The following TJP1 variants were observed in gnomAD, a reference collection of about 807,000 sequenced individuals.
The protein encoded by TJP1 is tight junction protein 1.
TJP1 carries 43 observed loss-of-function variants against 194.2 expected under a neutral mutation model. The ratio of observed to expected loss-of-function variants is 0.22; its 90% CI spans 0.17 to 0.29. TJP1 has a LOEUF of 0.29. Among genes scored for constraint, TJP1 ranks in the 10% least tolerant of loss-of-function variants. TJP1 has a pLI of 1.00. For missense variants in TJP1, 1,971 were observed against 2,185.7 expected (o/e 0.90, Z 1.96); for synonymous variants, 801 against 779.0 (o/e 1.03, Z -0.47).
At chr15:29,876,722 A>T (rs1442161564) in intron 2 of TJP1, among the ~76,000 whole-genome samples, 1 of 152,178 alleles carries the variant, frequency 6.6e-6, no homozygotes, top group African/African-American at 2.4e-5. Context: ...CTACTAGTAT[A>T]CATTCAACTG....
At chr15:29,744,292 A>C (rs1477372261) in intron 8 of TJP1, among the ~76,000 whole-genome samples, 1 of 152,224 alleles carries the variant, frequency 6.6e-6, no homozygotes, top group Non-Finnish European at 1.5e-5. Flanking sequence ...GTGTATGACT[A>C]TTTGAAGGCA....
In TJP1 at chr15:29,708,970, T is replaced by C. The variant is rs2042075826; in HGVS notation, c.4439A>G (p.Asn1480Ser). 2 of 1,614,102 alleles carry C rather than the reference T, an allele frequency of 1.2e-6. No homozygotes were observed. Among genetic ancestry groups the C allele is most frequent in the African/African-American group, 2.7e-5 (2 of 74,934 alleles). ...TGGTGGTCTGAAAGTTGCTGGCTTA[T>C]TCTGAGATGGAGGTGGGTCTGGTTT... ...VSKPDPPPSQ[N>S]KPATFRPPNR... The change falls in exon 25 of 28, where the codon AAT becomes AGT. Residue 1480 changes from asparagine (N) to serine (S), a missense_variant. Around this residue, in one of 5 missense-constraint regions of TJP1, gnomAD observed 1,108 missense variants for 1,128.5 expected, o/e 0.98. Transcript: ENST00000614355.
intron 11 of TJP1, among the ~76,000 whole-genome samples, chr15:29,736,118 C>T (rs1040513167): frequency 8.6e-5 from 13 of 152,044 alleles, no homozygotes; most frequent in African/African-American, 2.4e-4. Flanking sequence ...ACAGTCAAAA[C>T]GCTGCTAAAA....
rs114926539 is a variant in TJP1, at chr15:29,870,903, T to C, written c.307-70201A>G. Among the ~76,000 whole-genome samples, 712 of 152,308 alleles carry C rather than the reference T, an allele frequency of 4.7e-3. 14 individuals carry two copies. Among genetic ancestry groups the C allele is most frequent in the African/African-American group, 0.017 (688 of 41,568 alleles). On this transcript the variant is annotated intron_variant, in intron 2 of 28. Transcript: ENST00000356107. ...AATAAAGCTAACAAGTTGATTGATA[T>C]ATTCAAAGAGAGGAAACCGAGGCCG...
chr15:29,852,314 C>T (rs938462417), intron 2 of TJP1, among the ~76,000 whole-genome samples: 2 of 152,146 alleles, frequency 1.3e-5, no homozygotes, highest in Non-Finnish European at 1.5e-5. Context: ...AAAAGACAGA[C>T]ATTTCATTGA....
At chr15:29,766,591 T>A in intron 4 of TJP1, 49 bp from the exon 5 acceptor site, 1 of 1,500,066 alleles carries the variant, frequency 6.7e-7, no homozygotes, top group Non-Finnish European at 8.9e-7. Context: ...TTCATATATG[T>A]ACGTTCAGTT....
chr15:29,880,212 G>A (rs1161625868), intron 2 of TJP1, among the ~76,000 whole-genome samples: 4 of 152,038 alleles, frequency 2.6e-5, no homozygotes, highest in Non-Finnish European at 5.9e-5. Flanking sequence ...TAAAACTGAA[G>A]CTGTAATAAC....
At chr15:29,779,391 G>A (rs192515653) in intron 2 of TJP1, among the ~76,000 whole-genome samples, 70 of 152,256 alleles carry the variant, frequency 4.6e-4, no homozygotes, top group Non-Finnish European at 3.8e-4. Flanking sequence ...ACACCTTGGA[G>A]AACCTTGGTA....
At chr15:29,930,592 A>C (rs775456594) in intron 2 of TJP1, among the ~76,000 whole-genome samples, 14 of 152,214 alleles carry the variant, frequency 9.2e-5, no homozygotes, top group Non-Finnish European at 1.8e-4. Context: ...CCTGATAAAG[A>C]CTACCTACAA....
At chr15:29,766,852 T>C (rs2046362263) in intron 4 of TJP1, among the ~76,000 whole-genome samples, 1 of 152,192 alleles carries the variant, frequency 6.6e-6, no homozygotes, top group Admixed American at 6.5e-5. Context: ...TAACAACTGT[T>C]GGTGGTTTGA....
At chr15:29,833,857 G>GTATATATATATATATA (rs71416436) in intron 2 of TJP1, among the ~76,000 whole-genome samples, 69 of 25,794 alleles carry the variant, frequency 2.7e-3, no homozygotes, top group Admixed American at 4.3e-3. Context: ...ATTTTTGTAA[G>GTATATATATATATATA]TATATATATA....
At position 29,773,166 on chromosome 15, in the gene TJP1, G is replaced by A. The variant is rs971132056; in HGVS notation, c.209+67C>T. On this transcript the variant is annotated intron_variant, in intron 3 of 27. Coordinates refer to ENST00000614355, the MANE Select transcript of TJP1 (RefSeq NM_001330239.4). ...AAAATCACTAAGACAGTGTAAGACA[G>A]TACGCCAGTGCCTGAGGAGAGGAAC... The A allele has an allele frequency of 1.2e-5, 19 of 1,585,858 alleles. No individual in the cohort carries two copies. In the Admixed American group the frequency reaches 2.0e-4, roughly 17 times the overall value.
chr15:29,813,576 T>C (rs1035692984), intron 1 of TJP1, among the ~76,000 whole-genome samples: 10 of 152,280 alleles, frequency 6.6e-5, no homozygotes, highest in Non-Finnish European at 1.3e-4. Context: ...CACTAGAAGA[T>C]TCTGTATGCG....
At chr15:29,861,544 G>A (rs1156420056) in intron 2 of TJP1, among the ~76,000 whole-genome samples, 2 of 152,172 alleles carry the variant, frequency 1.3e-5, no homozygotes, top group African/African-American at 2.4e-5. Context: ...GGGATTCAAC[G>A]ATACTGGCAT....
intron 2 of TJP1, among the ~76,000 whole-genome samples, chr15:29,907,749 G>A (rs2053864266): frequency 6.6e-6 from 1 of 151,930 alleles, no homozygotes; most frequent in Admixed American, 6.6e-5. Context: ...CATGTTCATG[G>A]CCTTTGTAAC....
intron 2 of TJP1, among the ~76,000 whole-genome samples, chr15:29,907,022 T>A (rs967903265): frequency 6.6e-6 from 1 of 152,212 alleles, no homozygotes; most frequent in South Asian, 2.1e-4. Context: ...TATCTAACAA[T>A]TGGTGAATCT....
In TJP1 at chr15:29,760,112, A is replaced by C. The variant is rs2151515220; in HGVS notation, c.1010+1027T>G. 4 of 634,972 alleles carry C rather than the reference A, an allele frequency of 6.3e-6. No individual in the cohort carries two copies. In the East Asian group the frequency reaches 1.1e-4, roughly 18 times the overall value. 39.3% of individuals were successfully genotyped at this position (634,972 alleles called of 1,614,324 possible). Reference sequence around the variant, plus strand: ...CGTATAAGGGTTCCCTTTTCTTCTAAACTGTCTCTTCAGCCCTGGACTCAT... The same window carrying C: ...CGTATAAGGGTTCCCTTTTCTTCTACACTGTCTCTTCAGCCCTGGACTCAT... On this transcript the variant is annotated intron_variant, in intron 8 of 27. Transcript: ENST00000614355.
Position 29,732,445 on chromosome 15 carries a change from A to G in TJP1, c.2005T>C (p.Tyr669His). The change falls in exon 15 of 28, where the codon TAT (tyrosine) becomes CAT (histidine). Residue 669 changes from tyrosine to histidine, a missense_variant. By Grantham distance (83) the Tyr-to-His change is moderately conservative. Coordinates refer to ENST00000614355, the MANE Select transcript of TJP1 (RefSeq NM_001330239.4). ...TGAGGCTACTTACTTGCAATTTGATAAATATCTGGTTCTTCTCTTGCCAGC... is the reference window on the plus strand; with the variant it reads ...TGAGGCTACTTACTTGCAATTTGATGAATATCTGGTTCTTCTCTTGCCAGC... ...EKLAREEPDI[Y>H]QIAKSEPRDA... 2 of 1,613,306 alleles carry G rather than the reference A, an allele frequency of 1.2e-6. No homozygotes were observed. The highest frequency in any genetic ancestry group is 1.7e-6 in the Non-Finnish European group (2 of 1,179,980).
intron 20 of TJP1, 71 bp downstream of exon 20, chr15:29,719,706 G>A: frequency 6.4e-7 from 1 of 1,556,032 alleles, no homozygotes; most frequent in Non-Finnish European, 8.7e-7. Flanking sequence ...CACTTAAAGG[G>A]CAAAGCAAAA....
Sources: gnomAD v4.1 joint callset for allele counts (sites outside exome capture counted in the v4.1 genomes callset) on GRCh38, gnomAD v4.1.1 for gene constraint, gnomAD v4.1.1 regional missense constraint, MANE v1.5 for transcripts, NCBI Gene and HGNC (gene_info 2026-07-23, HGNC 2026-07-21) for gene names.